Variants in LRP1B observed in about 807,000 individuals in gnomAD.
LRP1B encodes low-density lipoprotein receptor-related protein 1B.
A neutral mutation model predicts 556.6 loss-of-function variants in LRP1B; 217 were observed. The ratio of observed to expected loss-of-function variants is 0.39; its 90% CI spans 0.35 to 0.44. The LOEUF is 0.44. LRP1B is among the 20% of genes least tolerant of loss of function. The probability of loss-of-function intolerance (pLI) is 1.00; values close to 1 mark genes in which losing one functional copy is unlikely to be tolerated. For synonymous variants in LRP1B, 2,047 were observed against 1,865.8 expected, an observed-to-expected ratio of 1.10 and a Z score of -2.50; for missense variants, 5,053 against 5,620.8, an observed-to-expected ratio of 0.90 and a Z score of 3.23.
intron 66 of LRP1B, among the ~76,000 whole-genome samples, chr2:140,415,428 T>C (rs1685150647): frequency 6.6e-6 from 1 of 152,170 alleles, no homozygotes; most frequent in Non-Finnish European, 1.5e-5. Context: ...TTGAAACCCT[T>C]AATAAAAACT....
At chr2:140,534,227 A>G in intron 46 of LRP1B, 87 bp from the exon 47 acceptor site, 2 of 1,231,118 alleles carry the variant, frequency 1.6e-6, no homozygotes, top group Non-Finnish European at 2.3e-6. Flanking sequence ...TTTCATTCAT[A>G]ATGACTGGAT....
intron 2 of LRP1B, among the ~76,000 whole-genome samples, chr2:141,569,193 G>A (rs529415963): frequency 1.3e-5 from 2 of 151,178 alleles, no homozygotes; most frequent in Non-Finnish European, 3.0e-5. Flanking sequence ...AACAACTCAG[G>A]AAATGGTAAA....
intron 35 of LRP1B, among the ~76,000 whole-genome samples, chr2:140,747,590 A>T (rs544381594): frequency 1.3e-5 from 2 of 152,184 alleles, no homozygotes; most frequent in African/African-American, 4.8e-5. Flanking sequence ...ATTTGCAAGG[A>T]AAACATGTGG....
intron 35 of LRP1B, among the ~76,000 whole-genome samples, chr2:140,754,722 G>A (rs1688686283): frequency 6.6e-6 from 1 of 150,602 alleles, no homozygotes; most frequent in Admixed American, 6.6e-5. Flanking sequence ...CATTATACAA[G>A]AAGAAAGATC....
intron 83 of LRP1B, among the ~76,000 whole-genome samples, chr2:140,301,856 AATAT>A (rs1683841295): frequency 2.6e-5 from 4 of 151,766 alleles, no homozygotes; most frequent in African/African-American, 4.8e-5. Context: ...CTAATATATG[AATAT>A]ATATGCAATA....
At chr2:140,522,173 A>G (rs962817082) in intron 49 of LRP1B, among the ~76,000 whole-genome samples, 1 of 152,040 alleles carries the variant, frequency 6.6e-6, no homozygotes, top group Non-Finnish European at 1.5e-5. Context: ...AAAGTTAACC[A>G]CAGGTGTGGT....
At chr2:141,132,194 T>C (rs1400713765) in intron 7 of LRP1B, among the ~76,000 whole-genome samples, 1 of 152,006 alleles carries the variant, frequency 6.6e-6, no homozygotes, top group Non-Finnish European at 1.5e-5. Context: ...TGAAATTTAA[T>C]CCCCAGTGTG....
At chr2:141,307,037 G>A (rs757786269) in intron 3 of LRP1B, among the ~76,000 whole-genome samples, 11 of 152,088 alleles carry the variant, frequency 7.2e-5, no homozygotes, top group Admixed American at 4.6e-4. Context: ...GGTCTATCTG[G>A]AGAATGTTCC....
At chr2:140,594,085 C>CT (rs1040042742) in intron 43 of LRP1B, among the ~76,000 whole-genome samples, 8 of 151,980 alleles carry the variant, frequency 5.3e-5, no homozygotes, top group African/African-American at 1.9e-4. Context: ...TCAAGCGATT[C>CT]TCCTGCCTCA....
chr2:141,790,010 G>A (rs1695559873), intron 2 of LRP1B, among the ~76,000 whole-genome samples: 1 of 151,868 alleles, frequency 6.6e-6, no homozygotes, highest in Non-Finnish European at 1.5e-5. Flanking sequence ...TTCAAGTTAG[G>A]AATAAAGAAA....
intron 2 of LRP1B, among the ~76,000 whole-genome samples, chr2:141,493,908 C>T (rs1241808418): frequency 2.6e-5 from 4 of 152,144 alleles, no homozygotes; most frequent in Non-Finnish European, 5.9e-5. Flanking sequence ...TTAGTGAATA[C>T]AAGTAAGTTT....
intron 3 of LRP1B, among the ~76,000 whole-genome samples, chr2:141,282,465 T>TATATG (rs1685543672): frequency 7.6e-4 from 103 of 135,690 alleles, no homozygotes; most frequent in Admixed American, 1.5e-3. Context: ...CTCGGGGGTT[T>TATATG]TATATGTATA....
At chr2:141,346,563 T>C (rs1484646930) in intron 3 of LRP1B, among the ~76,000 whole-genome samples, 5 of 152,142 alleles carry the variant, frequency 3.3e-5, no homozygotes, top group African/African-American at 1.2e-4. Context: ...ACTCTCCCTG[T>C]TTCAACATGA....
At chr2:140,515,029 G>A (rs1281785494) in intron 50 of LRP1B, among the ~76,000 whole-genome samples, 4 of 151,880 alleles carry the variant, frequency 2.6e-5, no homozygotes, top group African/African-American at 9.7e-5. Flanking sequence ...TCCTAATGCG[G>A]TCACTCTACT....
Position 141,013,752 on chromosome 2 carries a change from AAT to A in LRP1B, c.2191-9_2191-8del. Reference sequence around the variant, plus strand: ...CTCTCCCACTGTAAACAATCTGTAAAATATAAACACATTGTGAAAAATCAGAA... The same window carrying A: ...CTCTCCCACTGTAAACAATCTGTAAAATAAACACATTGTGAAAAATCAGAA... On this transcript the variant is annotated splice_polypyrimidine_tract_variant and splice_region_variant and intron_variant, in intron 13 of 90. Coordinates refer to ENST00000389484, the MANE Select transcript of LRP1B (RefSeq NM_018557.3). 2 of 1,527,430 alleles carry A rather than the reference AAT, an allele frequency of 1.3e-6. No individual in the cohort carries two copies. The highest frequency in any genetic ancestry group is 1.8e-6 in the Non-Finnish European group (2 of 1,138,392). 94.6% of individuals were successfully genotyped at this position (1,527,430 alleles called of 1,614,324 possible). A position where few individuals can be genotyped will look rare whatever the true frequency, so the allele number is the denominator to read the frequency against.
intron 41 of LRP1B, among the ~76,000 whole-genome samples, chr2:140,651,503 T>TA (rs200814474): frequency 0.06 from 5,783 of 96,172 alleles, 188 homozygotes; most frequent in Admixed American, 0.096. Context: ...AAAGTATAAT[T>TA]AAAAAAAAAC....
At chr2:140,291,243 T>C (rs1302415159) in intron 84 of LRP1B, among the ~76,000 whole-genome samples, 1 of 145,452 alleles carries the variant, frequency 6.9e-6, no homozygotes, top group East Asian at 2.1e-4. Flanking sequence ...TCTCATCTCT[T>C]GGCTTCTTGA....
chr2:141,585,993 C>A (rs1345114743), intron 2 of LRP1B, among the ~76,000 whole-genome samples: 1 of 151,914 alleles, frequency 6.6e-6, no homozygotes, highest in African/African-American at 2.4e-5. Context: ...GCTGGGATTA[C>A]AGATGTGAAC....
chr2:141,147,307 T>A (rs548752872), intron 7 of LRP1B, among the ~76,000 whole-genome samples: 1 of 152,284 alleles, frequency 6.6e-6, no homozygotes, highest in East Asian at 1.9e-4. Flanking sequence ...GAAAGCAGTC[T>A]ATCAAATTCT....
Sources: gnomAD v4.1 joint callset for allele counts (sites outside exome capture counted in the v4.1 genomes callset) on GRCh38, gnomAD v4.1.1 for gene constraint, MANE v1.5 for transcripts, NCBI Gene and HGNC (gene_info 2026-07-23, HGNC 2026-07-21) for gene names.